PTCHD4: variants seen among roughly 807,000 people sequenced by gnomAD.
PTCHD4 encodes the protein patched domain-containing protein 4.
PTCHD4 carries 33 observed loss-of-function variants against 58.1 expected under a neutral mutation model. That is an observed-to-expected ratio of 0.57 (90% CI 0.43 to 0.76). The LOEUF (loss-of-function observed/expected upper bound fraction) is 0.76, where lower values mean the gene tolerates loss of function less well. PTCHD4 is among the 30% of genes least tolerant of loss of function. The pLI is 0.00. For synonymous variants in PTCHD4, 478 were observed against 409.6 expected, an observed-to-expected ratio of 1.17 and a Z score of -2.02; for missense variants, 1,058 against 1,027.1, an observed-to-expected ratio of 1.03 and a Z score of -0.41.
At chr6:47,961,995 C>G (rs1767116624) in intron 4 of PTCHD4, among the ~76,000 whole-genome samples, 1 of 151,272 alleles carries the variant, frequency 6.6e-6, no homozygotes, top group Admixed American at 6.6e-5. Context: ...TTTGAGAAGA[C>G]AGAAAAAAAT....
In PTCHD4 at chr6:48,008,966, T is replaced by C; in HGVS notation, c.566A>G (p.Glu189Gly). ...CTTACAGAACTCATTCTCCCACTTC[T>C]CCCCTATGAGGTCTTGGGTGGCAGA... ...YGSATQDLIG[E>G]KWENEFCKLI... Residue 189 changes from glutamate to glycine, a missense_variant, in exon 4 of 5, where the codon GAG (glutamate) becomes GGG (glycine). Transcript: ENST00000339488. 1 of 1,613,964 alleles carries C rather than the reference T, an allele frequency of 6.2e-7. No individual in the cohort carries two copies. The highest frequency in any genetic ancestry group is 8.5e-7 in the Non-Finnish European group (1 of 1,179,878).
At chr6:47,916,650 T>TACACACACACACACAC (rs147208530) in intron 4 of PTCHD4, among the ~76,000 whole-genome samples, 167 of 150,820 alleles carry the variant, frequency 1.1e-3, no homozygotes, top group Middle Eastern at 3.4e-3. Flanking sequence ...GACACACACA[T>TACACACACACACACAC]ACACACACAC....
chr6:48,107,966 G>A (rs974559176), intron 1 of PTCHD4, among the ~76,000 whole-genome samples: 13 of 152,286 alleles, frequency 8.5e-5, no homozygotes, highest in African/African-American at 3.1e-4. Flanking sequence ...TGCTGGAGAG[G>A]ATGTGGAGAA....
At chr6:48,007,936 GCACACACACA>G (rs10554552) in intron 4 of PTCHD4, among the ~76,000 whole-genome samples, 6 of 150,244 alleles carry the variant, frequency 4.0e-5, no homozygotes, top group Admixed American at 6.6e-5. Flanking sequence ...GTGCGCGCGC[GCACACACACA>G]CACACACACA....
intron 4 of PTCHD4, among the ~76,000 whole-genome samples, chr6:47,943,155 G>A (rs1766296568): frequency 6.6e-6 from 1 of 152,088 alleles, no homozygotes; most frequent in South Asian, 2.1e-4. Flanking sequence ...TAAGCACTGA[G>A]AAAATTTATT....
chr6:47,957,268 A>G (rs1396166722), intron 4 of PTCHD4, among the ~76,000 whole-genome samples: 2 of 148,076 alleles, frequency 1.4e-5, no homozygotes, highest in African/African-American at 4.9e-5. Flanking sequence ...TATAATATAT[A>G]TATTATATAT....
Position 47,875,683 on chromosome 6 carries a change from A to G in PTCHD4, c.*2620T>C, listed in dbSNP as rs1247791387. On this transcript the variant is annotated 3_prime_UTR_variant, in exon 5 of 5. Transcript: ENST00000339488. ...CCTTGAAGACATAAACTAAAAAAGA[A>G]CTGTTTTTCCCTATCTAAACAGAGA... Among the ~76,000 whole-genome samples, 1 of 151,820 alleles carries G rather than the reference A, an allele frequency of 6.6e-6. No individual in the cohort carries two copies. The highest frequency in any genetic ancestry group is 6.6e-5 in the Admixed American group (1 of 15,200).
chr6:48,092,973 C>T (rs767430428), intron 1 of PTCHD4, among the ~76,000 whole-genome samples: 1 of 152,124 alleles, frequency 6.6e-6, no homozygotes. Context: ...CTGTGGAATT[C>T]TTTTTATTCT....
chr6:47,879,025 G>A lies in PTCHD4; in HGVS notation c.1810C>T (p.Arg604Cys), dbSNP rs749476071. The change falls in exon 5 of 5, where the codon CGC (arginine) becomes TGC (cysteine). Residue 604 changes from arginine (R) to cysteine (C), a missense_variant. Arg to Cys is a radical substitution (Grantham distance 180). Coordinates refer to ENST00000339488, the MANE Select transcript of PTCHD4 (RefSeq NM_001384253.1). ...AGDESNIIAS[R>C]LYLVARTSRD... Reference sequence around the variant, plus strand: ...CTAGTCCTGGCCACCAGATACAAGCGAGAAGCAATGATATTGCTTTCATCC... The same window carrying A: ...CTAGTCCTGGCCACCAGATACAAGCAAGAAGCAATGATATTGCTTTCATCC... 93 of 1,613,274 alleles carry A rather than the reference G, an allele frequency of 5.8e-5. No homozygotes were observed. Among genetic ancestry groups the A allele is most frequent in the Non-Finnish European group, 6.2e-5 (73 of 1,179,734 alleles).
chr6:48,023,933 G>A lies in PTCHD4; in HGVS notation c.418-14819C>T, dbSNP rs139260420. On this transcript the variant is annotated intron_variant, in intron 3 of 4. Transcript: ENST00000339488. Reference sequence around the variant, plus strand: ...TGGCAAAACCACCTTGGCATCACAGGCAATATGGCTTGCAGTAGTGGTTTG... The same window carrying A: ...TGGCAAAACCACCTTGGCATCACAGACAATATGGCTTGCAGTAGTGGTTTG... 7.4e-3 allele frequency among the ~76,000 whole-genome samples: 1,127 copies of A among 152,228 alleles called. 11 individuals are homozygous for A. Among genetic ancestry groups the A allele is most frequent in the African/African-American group, 0.024 (1,009 of 41,552 alleles).
chr6:48,012,963 G>A (rs1762735521), intron 3 of PTCHD4, among the ~76,000 whole-genome samples: 3 of 152,114 alleles, frequency 2.0e-5, no homozygotes, highest in Admixed American at 2.0e-4. Context: ...TGTGCTGCTG[G>A]ACTCGGTTTG....
At chr6:48,109,937 G>GA (rs1424086642) in intron 1 of PTCHD4, among the ~76,000 whole-genome samples, 5 of 151,684 alleles carry the variant, frequency 3.3e-5, no homozygotes, top group South Asian at 2.1e-4. Context: ...TAAAAAGAGA[G>GA]AAAAAAAACA....
At chr6:48,020,772 A>G (rs942372014) in intron 3 of PTCHD4, among the ~76,000 whole-genome samples, 3 of 152,140 alleles carry the variant, frequency 2.0e-5, no homozygotes, top group Non-Finnish European at 1.5e-5. Context: ...GCAAAACTAT[A>G]CACATTACAG....
Position 47,962,646 on chromosome 6 carries a change from C to T in PTCHD4, c.898+45988G>A, listed in dbSNP as rs562711287. Among the ~76,000 whole-genome samples, 4 of 152,290 alleles carry T rather than the reference C, an allele frequency of 2.6e-5. No individual in the cohort carries two copies. The South Asian group carries it at 8.3e-4, about 32-fold the overall frequency. On this transcript the variant is annotated intron_variant, in intron 4 of 4. Coordinates refer to ENST00000339488, the MANE Select transcript of PTCHD4 (RefSeq NM_001384253.1). ...AGAAGGTTTGTTGCTTCCCCTTGGC[C>T]TTCCGCCATGATTATTAGTTTCCTG...
chr6:48,064,171 G>A (rs1582099226), intron 3 of PTCHD4, among the ~76,000 whole-genome samples: 1 of 152,244 alleles, frequency 6.6e-6, no homozygotes, highest in East Asian at 1.9e-4. Context: ...TGGCCAGGAT[G>A]TTGGGATCTA....
chr6:47,961,358 C>T (rs1767087801), intron 4 of PTCHD4, among the ~76,000 whole-genome samples: 1 of 151,272 alleles, frequency 6.6e-6, no homozygotes, highest in Non-Finnish European at 1.5e-5. Flanking sequence ...GTGGCGTGAT[C>T]TCGGCTTACT....
At chr6:47,995,222 G>A (rs1436982085) in intron 4 of PTCHD4, among the ~76,000 whole-genome samples, 1 of 152,148 alleles carries the variant, frequency 6.6e-6, no homozygotes, top group East Asian at 1.9e-4. Flanking sequence ...CTTGGCAAAA[G>A]TTTACCAACA....
At chr6:48,106,326 T>C (rs564635676) in intron 1 of PTCHD4, among the ~76,000 whole-genome samples, 3 of 152,214 alleles carry the variant, frequency 2.0e-5, no homozygotes. Context: ...TAATCCAGCA[T>C]ATAAACAGAA....
intron 4 of PTCHD4, among the ~76,000 whole-genome samples, chr6:47,968,001 T>G (rs370015880): frequency 6.6e-6 from 1 of 152,330 alleles, no homozygotes; most frequent in South Asian, 2.1e-4. Context: ...ACTTTTCCTT[T>G]GCATTTACAA....
Sources: gnomAD v4.1 joint callset for allele counts (sites outside exome capture counted in the v4.1 genomes callset) on GRCh38, gnomAD v4.1.1 for gene constraint, MANE v1.5 for transcripts, NCBI Gene and HGNC (gene_info 2026-07-23, HGNC 2026-07-21) for gene names.